The following PCNX1 variants were observed in gnomAD, a reference collection of about 807,000 sequenced individuals.
PCNX1 encodes pecanex 1.
PCNX1 carries 78 observed loss-of-function variants against 242.2 expected under a neutral mutation model. The observed-to-expected ratio is 0.32, with a 90% CI of 0.27 to 0.39. The LOEUF is 0.39. PCNX1 is among the 10% of genes least tolerant of loss of function. PCNX1 has a pLI of 1.00. For missense variants in PCNX1, 2,581 were observed against 2,856.5 expected (o/e 0.90, Z 2.20); for synonymous variants, 1,024 against 1,032.9 (o/e 0.99, Z 0.17).
chr14:71,073,853 T>G, intron 27 of PCNX1, 55 bp downstream of exon 27: 1 of 1,365,802 alleles, frequency 7.3e-7, no homozygotes, highest in Non-Finnish European at 9.9e-7. Context: ...TTCTTGGGAA[T>G]GACATATATA....
intron 11 of PCNX1, 136 bp from the exon 12 acceptor site, chr14:71,018,873 C>A: frequency 4.7e-6 from 3 of 644,518 alleles, no homozygotes; most frequent in Non-Finnish European, 7.7e-6. Context: ...TGATCTAAAA[C>A]CTTGTTCAAA....
At chr14:70,979,523 C>A (rs74060519) in intron 6 of PCNX1, among the ~76,000 whole-genome samples, 2 of 149,386 alleles carry the variant, frequency 1.3e-5, no homozygotes, top group African/African-American at 4.9e-5. Flanking sequence ...TCAGAAAAAT[C>A]AGGTCTTTTG....
At chr14:71,105,775 T>G in intron 33 of PCNX1, among the ~76,000 whole-genome samples, 1 of 151,756 alleles carries the variant, frequency 6.6e-6, no homozygotes, top group Admixed American at 6.6e-5. Context: ...TCTCCTGACC[T>G]CATGATCTGC....
intron 1 of PCNX1, among the ~76,000 whole-genome samples, chr14:70,910,541 G>C (rs1462833545): frequency 6.6e-6 from 1 of 152,150 alleles, no homozygotes; most frequent in East Asian, 2.0e-4. Context: ...CTCTTTTCCA[G>C]ATACCTGTGT....
At chr14:70,979,462 T>A (rs977969217) in intron 6 of PCNX1, among the ~76,000 whole-genome samples, 15 of 152,118 alleles carry the variant, frequency 9.9e-5, no homozygotes, top group African/African-American at 3.6e-4. Context: ...CTGCCCAAGA[T>A]AGTTTGTTTA....
At chr14:70,962,364 T>C (rs778407072) in intron 3 of PCNX1, 33 bp downstream of exon 3, 14 of 1,161,182 alleles carry the variant, frequency 1.2e-5, no homozygotes, top group Non-Finnish European at 1.7e-5. Context: ...TTTGCCTTTT[T>C]CCCTCCTCCT....
At chr14:71,104,316 T>A (rs935675735) in intron 32 of PCNX1, among the ~76,000 whole-genome samples, 2 of 152,126 alleles carry the variant, frequency 1.3e-5, no homozygotes, top group African/African-American at 4.8e-5. Context: ...AATCTGGCAA[T>A]TAAAGCAGCA....
At chr14:70,995,266 A>G (rs576895904) in intron 7 of PCNX1, among the ~76,000 whole-genome samples, 1 of 152,322 alleles carries the variant, frequency 6.6e-6, no homozygotes, top group South Asian at 2.1e-4. Flanking sequence ...TTGGTTTTCA[A>G]GTGCATATAA....
At chr14:70,932,057 G>A (rs921754593) in intron 1 of PCNX1, among the ~76,000 whole-genome samples, 9 of 152,204 alleles carry the variant, frequency 5.9e-5, no homozygotes, top group Admixed American at 5.9e-4. Context: ...AACCTGGGAG[G>A]CAGAGGTTGC....
intron 30 of PCNX1, 47 bp downstream of exon 30, chr14:71,089,389 C>T (rs747350699): frequency 7.2e-7 from 1 of 1,383,754 alleles, no homozygotes; most frequent in Non-Finnish European, 1.0e-6. Flanking sequence ...TTTACTGATC[C>T]TTCTTCACAT....
intron 21 of PCNX1, among the ~76,000 whole-genome samples, chr14:71,047,404 A>T (rs898851357): frequency 1.3e-5 from 2 of 152,122 alleles, no homozygotes; most frequent in Non-Finnish European, 2.9e-5. Context: ...TACACCATAT[A>T]GATGGTCAGT....
At chr14:70,978,759 GT>G (rs1327159673) in intron 6 of PCNX1, 111 bp downstream of exon 6, 7 of 968,216 alleles carry the variant, frequency 7.2e-6, no homozygotes, top group Non-Finnish European at 1.0e-5. Context: ...CTTCCACTGT[GT>G]TATTAAAATA....
At chr14:70,964,516 T>C (rs974533616) in intron 3 of PCNX1, among the ~76,000 whole-genome samples, 4 of 152,260 alleles carry the variant, frequency 2.6e-5, no homozygotes, top group African/African-American at 9.6e-5. Flanking sequence ...CTGCATGTCT[T>C]GTATTCTTAA....
At chr14:71,066,064 T>C (rs959488057) in intron 26 of PCNX1, among the ~76,000 whole-genome samples, 1 of 152,250 alleles carries the variant, frequency 6.6e-6, no homozygotes, top group Admixed American at 6.5e-5. Flanking sequence ...CCAGCTTTGT[T>C]CTTTTTGCTT....
chr14:70,942,593 A>T (rs2140267119), intron 1 of PCNX1, among the ~76,000 whole-genome samples: 1 of 152,286 alleles, frequency 6.6e-6, no homozygotes, highest in South Asian at 2.1e-4. Context: ...GTCTACCTGG[A>T]GATACTATTA....
chr14:71,009,605 G>A, intron 8 of PCNX1, 29 bp from the exon 9 acceptor site: 1 of 1,320,070 alleles, frequency 7.6e-7, no homozygotes, highest in Non-Finnish European at 1.1e-6. Flanking sequence ...TATTCTAATG[G>A]CTTTTTAAAA....
At chr14:70,939,650 A>G (rs957273040) in intron 1 of PCNX1, among the ~76,000 whole-genome samples, 1 of 152,130 alleles carries the variant, frequency 6.6e-6, no homozygotes, top group African/African-American at 2.4e-5. Context: ...TATTAGGTCC[A>G]CTTGGTGCAG....
At chr14:70,964,221 C>G (rs1369857451) in intron 3 of PCNX1, among the ~76,000 whole-genome samples, 1 of 152,042 alleles carries the variant, frequency 6.6e-6, no homozygotes, top group Non-Finnish European at 1.5e-5. Context: ...TGTCTGCCAC[C>G]ACACCTGGCT....
intron 32 of PCNX1, among the ~76,000 whole-genome samples, 153 bp from the exon 33 acceptor site, chr14:71,105,081 TG>T (rs2141859433): frequency 6.6e-6 from 1 of 152,372 alleles, no homozygotes; most frequent in African/African-American, 2.4e-5. Context: ...GAAAACGTAA[TG>T]AGTTTTTTTG....
Sources: allele counts gnomAD v4.1 joint callset (sites outside exome capture counted in the v4.1 genomes callset), GRCh38; gene constraint gnomAD v4.1.1; transcripts MANE v1.5; gene names NCBI Gene and HGNC (gene_info 2026-07-23, HGNC 2026-07-21).